The following DMD variants were observed in gnomAD, a reference collection of about 807,000 sequenced individuals.
DMD encodes dystrophin, also known as mutant dystrophin.
DMD carries 63 observed loss-of-function variants against 330.1 expected under a neutral mutation model. The observed-to-expected ratio is 0.19, with a 90% CI of 0.16 to 0.24. The LOEUF is 0.24. DMD is among the 10% of genes least tolerant of loss of function. The pLI, the probability that DMD is intolerant of heterozygous loss-of-function variation, is 1.00. For missense variants in DMD, 3,344 were observed against 2,684.1 expected, an observed-to-expected ratio of 1.25 and a Z score of -5.43; for synonymous variants, 1,223 against 959.8, an observed-to-expected ratio of 1.27 and a Z score of -5.07.
intron 1 of DMD, among the ~76,000 whole-genome samples, chrX:33,239,511 TATA>T: frequency 9.0e-6 from 1 of 111,245 alleles, no homozygotes; most frequent in East Asian, 2.8e-4. Context: ...AAAAAGATTT[TATA>T]ATGATTTGCT....
Position 32,583,578 on chromosome X carries a change from C to A in DMD, c.1603-9732G>T, listed in dbSNP as rs149440516. ...AATGTGGAATTAGCATGAGGACAGG[C>A]AAGTAGAGAAATAAAACTGATTAGA... is the stretch of plus-strand genomic sequence containing the variant. On this transcript the variant is annotated intron_variant, in intron 13 of 78. Transcript: ENST00000357033. The A allele has an allele frequency of 1.9e-4, 21 of 111,845 alleles. No individual in the cohort carries two copies. The East Asian group carries it at 5.6e-3, about 30-fold the overall frequency. 9.2% of individuals were successfully genotyped at this position (111,845 alleles called of 1,213,427 possible).
chrX:32,777,276 T>TGGGGGGGGGGGGGGGG (rs1373161447), intron 7 of DMD, among the ~76,000 whole-genome samples: 20 of 488 alleles, frequency 0.041, no homozygotes, highest in Admixed American at 0.059. Context: ...TGGTTTCTGG[T>TGGGGGGGGGGGGGGGG]TGGGGGGGGA....
chrX:32,929,040 T>C (rs1207411849), intron 2 of DMD, among the ~76,000 whole-genome samples: 1 of 111,075 alleles, frequency 9.0e-6, no homozygotes, highest in Non-Finnish European at 1.9e-5. Flanking sequence ...GAGAAAGGAA[T>C]ACAAAAATAA....
At chrX:31,445,694 C>T (rs747177002) in intron 59 of DMD, among the ~76,000 whole-genome samples, 27 of 111,412 alleles carry the variant, frequency 2.4e-4, no homozygotes, top group South Asian at 3.8e-4. Context: ...AGAAGGCTCC[C>T]GTGGGGCTTC....
At chrX:32,832,234 T>G (rs2079213059) in intron 4 of DMD, among the ~76,000 whole-genome samples, 1 of 111,735 alleles carries the variant, frequency 8.9e-6, no homozygotes, top group African/African-American at 3.2e-5. Flanking sequence ...TGGTACAAAC[T>G]ATTATAAAAT....
intron 44 of DMD, among the ~76,000 whole-genome samples, chrX:32,024,486 C>CAAAAA (rs71872956): frequency 3.2e-5 from 2 of 61,623 alleles, no homozygotes; most frequent in African/African-American, 1.4e-4. Flanking sequence ...AACTCCCTCT[C>CAAAAA]AAAAAAAAAA....
At chrX:31,498,071 T>C (rs1042302126) in intron 56 of DMD, among the ~76,000 whole-genome samples, 4 of 112,135 alleles carry the variant, frequency 3.6e-5, no homozygotes, top group African/African-American at 6.5e-5. Flanking sequence ...AATTAAATTG[T>C]TCCAAACTTT....
intron 50 of DMD, among the ~76,000 whole-genome samples, chrX:31,816,712 C>T (rs1304982367): frequency 2.8e-5 from 3 of 107,105 alleles, no homozygotes; most frequent in African/African-American, 6.9e-5. Flanking sequence ...GCAGGAGAAT[C>T]GCTTGAACCT....
At chrX:32,678,929 T>C (rs150013667) in intron 9 of DMD, among the ~76,000 whole-genome samples, 102 of 111,803 alleles carry the variant, frequency 9.1e-4, no homozygotes, top group African/African-American at 3.2e-3. Context: ...AATTTAAACA[T>C]AAAACAAATG....
chrX:32,610,944 C>T (rs1407419511), intron 12 of DMD, among the ~76,000 whole-genome samples: 1 of 111,050 alleles, frequency 9.0e-6, no homozygotes, highest in Non-Finnish European at 1.9e-5. Context: ...AACTCAGTTA[C>T]CCAAAGAAGT....
At chrX:31,378,022 C>A (rs12843103) in intron 60 of DMD, among the ~76,000 whole-genome samples, 7,150 of 111,093 alleles carry the variant, frequency 0.064, 196 homozygotes, top group South Asian at 0.11. Flanking sequence ...TGTAATTTTC[C>A]TTTACCTACC....
At chrX:32,966,885 C>G (rs1303175120) in intron 2 of DMD, among the ~76,000 whole-genome samples, 1 of 112,167 alleles carries the variant, frequency 8.9e-6, no homozygotes, top group East Asian at 2.8e-4. Flanking sequence ...GAGTAGAAAA[C>G]ACTGAAGAGT....
intron 74 of DMD, among the ~76,000 whole-genome samples, chrX:31,149,788 C>T (rs1381869094): frequency 9.0e-6 from 1 of 111,588 alleles, no homozygotes; most frequent in Non-Finnish European, 1.9e-5. Context: ...CAATTCAGTG[C>T]CTTATGTTTT....
chrX:33,198,188 C>T (rs2051065275), intron 1 of DMD, among the ~76,000 whole-genome samples: 1 of 110,965 alleles, frequency 9.0e-6, no homozygotes, highest in Non-Finnish European at 1.9e-5. Flanking sequence ...TGAAGCTGAA[C>T]ATCTTTTTAT....
At chrX:32,769,260 C>T (rs1356369157) in intron 7 of DMD, among the ~76,000 whole-genome samples, 4 of 111,884 alleles carry the variant, frequency 3.6e-5, no homozygotes, top group Non-Finnish European at 7.5e-5. Context: ...TGGCAGAATG[C>T]GAAAGGCATG....
intron 52 of DMD, among the ~76,000 whole-genome samples, chrX:31,714,012 A>T (rs890160824): frequency 8.9e-6 from 1 of 112,165 alleles, no homozygotes; most frequent in Non-Finnish European, 1.9e-5. Flanking sequence ...TGTGTAAATT[A>T]GATCCTTACT....
upstream of DMD, among the ~76,000 whole-genome samples, chrX:33,215,071 A>G (rs1022898787): frequency 6.3e-5 from 7 of 111,969 alleles, no homozygotes; most frequent in Non-Finnish European, 1.3e-4. Context: ...GTGTTAGCTC[A>G]TGCCTGTAAT....
chrX:33,201,837 A>G (rs995913474), intron 1 of DMD, among the ~76,000 whole-genome samples: 2 of 112,433 alleles, frequency 1.8e-5, no homozygotes, highest in Non-Finnish European at 3.8e-5. Context: ...ACATAACTGA[A>G]ATAAACTCTA....
intron 29 of DMD, among the ~76,000 whole-genome samples, chrX:32,415,561 T>C (rs1170782361): frequency 8.9e-6 from 1 of 112,538 alleles, no homozygotes; most frequent in Admixed American, 9.5e-5. Flanking sequence ...TGCTGTCTCA[T>C]TGAATGAAGT....
Sources: allele counts gnomAD v4.1 joint callset (sites outside exome capture counted in the v4.1 genomes callset), GRCh38; gene constraint gnomAD v4.1.1; transcripts MANE v1.5; gene names NCBI Gene and HGNC (gene_info 2026-07-23, HGNC 2026-07-21).